UGT1A7: variants seen among roughly 807,000 people sequenced by gnomAD.
UGT1A7 encodes the protein UDP-glucuronosyltransferase 1A7.
UGT1A7 carries 33 observed loss-of-function variants against 45.6 expected under a neutral mutation model. The observed-to-expected ratio is 0.72, with a 90% CI of 0.55 to 0.97. UGT1A7 has a LOEUF of 0.97. Ranked by LOEUF, UGT1A7 falls within the 50% of genes least tolerant of loss-of-function variation. The pLI, the probability that UGT1A7 is intolerant of heterozygous loss-of-function variation, is 0.00. For missense variants in UGT1A7, 684 were observed against 666.2 expected, an observed-to-expected ratio of 1.03 and a Z score of -0.29; for synonymous variants, 274 against 250.6, an observed-to-expected ratio of 1.09 and a Z score of -0.88.
chr2:233,757,541 T>TATACATATACATATAC (rs1229454769), intron 1 of UGT1A7, among the ~76,000 whole-genome samples: 1 of 117,592 alleles, frequency 8.5e-6, no homozygotes, highest in Admixed American at 8.1e-5. Context: ...AAGGAATATA[T>TATACATATACATATAC]ATATATATAT....
At position 233,692,634 on chromosome 2, in the gene UGT1A7, G is replaced by A. The variant is rs981201008; in HGVS notation, c.855+9842G>A. ...GCACATCATGGACATAACAGACAAC[G>A]TCAATGATGAGGAATCCAGCAAGTT... On this transcript the variant is annotated intron_variant, in intron 1 of 4. Coordinates refer to ENST00000373426, the MANE Select transcript of UGT1A7 (RefSeq NM_019077.3). Among the ~76,000 whole-genome samples, 6 of 152,278 alleles carry A rather than the reference G, an allele frequency of 3.9e-5. No homozygotes were observed. The East Asian group carries it at 1.2e-3, about 29-fold the overall frequency.
At chr2:233,760,224 G>T in intron 1 of UGT1A7, 1 of 1,586,312 alleles carries the variant, frequency 6.3e-7, no homozygotes. Flanking sequence ...TGTATCGATT[G>T]GTTTTTGCCA....
chr2:233,760,764 C>T lies in UGT1A7; in HGVS notation c.856-6270C>T, dbSNP rs199766420. 1.0e-4 allele frequency: 164 copies of T among 1,614,088 alleles called. 1 individual carries two copies. The Middle Eastern group carries it at 2.1e-3, about 21-fold the overall frequency. ...ACCCTTTCCTTCCTTGCAGCCCCATCGTGGCCCAGTACCTGTCTCTGCCCA... is the reference window on the plus strand; with the variant it reads ...ACCCTTTCCTTCCTTGCAGCCCCATTGTGGCCCAGTACCTGTCTCTGCCCA... On this transcript the variant is annotated intron_variant, in intron 1 of 4. Transcript: ENST00000373426.
chr2:233,729,414 C>T (rs1422584359), intron 1 of UGT1A7: 3 of 1,613,716 alleles, frequency 1.9e-6, no homozygotes, highest in Non-Finnish European at 2.5e-6. Context: ...TGCTGGGCCA[C>T]ACTCAACTGT....
chr2:233,682,683 C>A lies in UGT1A7; in HGVS notation c.746C>A (p.Ser249Ter), dbSNP rs781284168. 6.2e-7 allele frequency: 1 copy of A among 1,613,862 alleles called. No individual in the cohort carries two copies. Among genetic ancestry groups the A allele is most frequent in the Admixed American group, 1.7e-5 (1 of 60,006 alleles). ...VTAYDLYSHTSIWLLRTDFVL... is the reference protein window; with the variant it reads ...VTAYDLYSHT ...GCATATGATCTCTACAGCCACACAT[C>A]AATTTGGTTGTTGCGAACTGACTTT... The change falls in exon 1 of 5, where the codon TCA becomes TAA. Residue 249 changes from serine (S) to a stop codon, truncating the protein, a stop_gained. Transcript: ENST00000373426. LOFTEE classifies it high-confidence loss of function.
chr2:233,745,507 G>A (rs1198591343), intron 1 of UGT1A7, among the ~76,000 whole-genome samples: 1 of 151,594 alleles, frequency 6.6e-6, no homozygotes, highest in African/African-American at 2.4e-5. Flanking sequence ...TTCCTATAGG[G>A]TATTAGGTCT....
chr2:233,737,470 C>T (rs544364093), intron 1 of UGT1A7, among the ~76,000 whole-genome samples: 5 of 152,298 alleles, frequency 3.3e-5, no homozygotes, highest in African/African-American at 1.2e-4. Flanking sequence ...GTCATGGCTC[C>T]CCTTGTCTAG....
At chr2:233,736,459 C>G (rs1461778368) in intron 1 of UGT1A7, among the ~76,000 whole-genome samples, 5 of 152,202 alleles carry the variant, frequency 3.3e-5, no homozygotes, top group Admixed American at 3.3e-4. Flanking sequence ...TTCGAACATG[C>G]ACTTTTAGCT....
chr2:233,718,505 ACAT>A (rs2076658456), intron 1 of UGT1A7, among the ~76,000 whole-genome samples: 1 of 152,230 alleles, frequency 6.6e-6, no homozygotes, highest in African/African-American at 2.4e-5. Context: ...GAAGGCAGTG[ACAT>A]GAAATGGGTG....
At chr2:233,730,071 T>C in intron 1 of UGT1A7, 2 of 1,609,386 alleles carry the variant, frequency 1.2e-6, no homozygotes, top group Non-Finnish European at 1.7e-6. Context: ...TAAAATTGCT[T>C]CCATATTTAC....
chr2:233,682,881 T>G (rs780627124), intron 1 of UGT1A7, 89 bp downstream of exon 1: 119 of 1,513,054 alleles, frequency 7.9e-5, no homozygotes, highest in Non-Finnish European at 9.6e-5. Flanking sequence ...TCATTTACAT[T>G]TGTCCCATTT....
intron 1 of UGT1A7, among the ~76,000 whole-genome samples, chr2:233,732,534 T>G (rs1352796772): frequency 6.6e-6 from 1 of 152,222 alleles, no homozygotes; most frequent in East Asian, 1.9e-4. Context: ...ATATGGCCAG[T>G]TTTCCCAGCA....
At chr2:233,687,024 T>A (rs1274235923) in intron 1 of UGT1A7, among the ~76,000 whole-genome samples, 1 of 152,198 alleles carries the variant, frequency 6.6e-6, no homozygotes, top group Non-Finnish European at 1.5e-5. Flanking sequence ...AGGAGGTGGT[T>A]CAATGTAGTG....
In UGT1A7 at chr2:233,682,681, A is replaced by G. The variant is rs771388089; in HGVS notation, c.744A>G (p.Thr248=). The change falls in exon 1 of 5, where the codon ACA becomes ACG. Residue 248 remains threonine (T), a synonymous_variant. Coordinates refer to ENST00000373426, the MANE Select transcript of UGT1A7 (RefSeq NM_019077.3). ...PVTAYDLYSH[T]SIWLLRTDFV... ...CGGCATATGATCTCTACAGCCACAC[A>G]TCAATTTGGTTGTTGCGAACTGACT... The G allele has an allele frequency of 1.2e-5, 19 of 1,613,742 alleles. No homozygotes were observed. The Admixed American group carries it at 3.2e-4, about 27-fold the overall frequency.
chr2:233,682,791 T>C lies in UGT1A7; in HGVS notation c.854T>C (p.Met285Thr), dbSNP rs147013594. ...TGTCATCAGGGAAAGCCAGTGCCTA[T>C]GGTAAGTTATCTCCCCTTTAGCACA... ...INCHQGKPVP[M>T]EFEAYINASG... The change falls in exon 1 of 5, where the codon ATG (methionine) becomes ACG (threonine). Residue 285 changes from methionine to threonine, a missense_variant and splice_region_variant. Met to Thr is a moderately conservative substitution (Grantham distance 81, BLOSUM62 -1). Transcript: ENST00000373426. The C allele has an allele frequency of 5.0e-6, 8 of 1,611,538 alleles. No homozygotes were observed. The African/African-American group carries it at 1.1e-4, about 22-fold the overall frequency.
At chr2:233,771,561 C>T (rs1395815945) in intron 4 of UGT1A7, 1 of 152,134 alleles carries the variant, frequency 6.6e-6, no homozygotes, top group Admixed American at 6.6e-5. Context: ...GTTAATTTGG[C>T]CAGAGGTGGT....
rs773318792 is a variant in UGT1A7 at position 233,769,599 on chromosome 2, C to T, written c.1295+1160C>T. 17 of 1,612,664 alleles carry T rather than the reference C, an allele frequency of 1.1e-5. No individual in the cohort carries two copies. Among genetic ancestry groups the T allele is most frequent in the South Asian group, 2.2e-5 (2 of 91,048 alleles). ...TGTTCAGATGAGAGGAGACGGAACACGGGGACACACCAGCTTGAGCAAGGG... is the reference window on the plus strand; with the variant it reads ...TGTTCAGATGAGAGGAGACGGAACATGGGGACACACCAGCTTGAGCAAGGG... On this transcript the variant is annotated intron_variant, in intron 4 of 4. Coordinates refer to ENST00000373426, the MANE Select transcript of UGT1A7 (RefSeq NM_019077.3). The surrounding 1 kb of genome is among the most constrained non-coding windows in gnomAD (Gnocchi z 4.4).
intron 1 of UGT1A7, among the ~76,000 whole-genome samples, chr2:233,707,780 T>C (rs781721068): frequency 1.7e-4 from 26 of 152,240 alleles, no homozygotes; most frequent in Middle Eastern, 3.2e-3. Context: ...TTAGAGTATA[T>C]ACCTAGGGGT....
At chr2:233,685,871 C>A (rs1042918991) in intron 1 of UGT1A7, among the ~76,000 whole-genome samples, 9 of 152,122 alleles carry the variant, frequency 5.9e-5, no homozygotes, top group African/African-American at 1.7e-4. Flanking sequence ...ATACCTAAGA[C>A]AATCAATAAT....
Sources: allele counts gnomAD v4.1 joint callset (sites outside exome capture counted in the v4.1 genomes callset), GRCh38; gene constraint gnomAD v4.1.1; non-coding constraint Gnocchi (gnomAD v3.1); transcripts MANE v1.5; gene names NCBI Gene and HGNC (gene_info 2026-07-23, HGNC 2026-07-21).